Variants in ZSWIM3 observed in about 807,000 individuals in gnomAD.
The protein encoded by ZSWIM3 is zinc finger SWIM-type containing 3.
In ZSWIM3, 27 loss-of-function variants were observed where a neutral mutation model predicts 47.5. That is an observed-to-expected ratio of 0.57 (90% CI 0.42 to 0.78). The LOEUF (loss-of-function observed/expected upper bound fraction) is 0.78. Among genes scored for constraint, ZSWIM3 ranks in the 30% least tolerant of loss-of-function variants. The probability of loss-of-function intolerance (pLI) is 0.00; values close to 1 mark genes in which losing one functional copy is unlikely to be tolerated. For synonymous variants in ZSWIM3, 333 were observed against 333.9 expected, an observed-to-expected ratio of 1.00 and a Z score of 0.03; for missense variants, 689 against 861.3, an observed-to-expected ratio of 0.80 and a Z score of 2.50.
chr20:45,858,642 G>A (rs1393162541), intron 1 of ZSWIM3, among the ~76,000 whole-genome samples: 1 of 152,180 alleles, frequency 6.6e-6, no homozygotes, highest in Non-Finnish European at 1.5e-5. Flanking sequence ...CAAAGTGTTA[G>A]GATTACAGGC....
chr20:45,857,716 C>A lies in ZSWIM3; in HGVS notation c.-110C>A. The A allele has an allele frequency of 2.2e-6, 3 of 1,362,132 alleles. No individual in the cohort carries two copies. Among genetic ancestry groups the A allele is most frequent in the Non-Finnish European group, 3.0e-6 (3 of 991,604 alleles). 84.4% of individuals were successfully genotyped at this position (1,362,132 alleles called of 1,614,324 possible). ...ACCCAGTTGGGGCGGACCCTTAAGG[C>A]ATTCTGGGCCCACGCCTGCCTATAA... On this transcript the variant is annotated 5_prime_UTR_variant, in exon 1 of 2. Coordinates refer to ENST00000255152, the MANE Select transcript of ZSWIM3 (RefSeq NM_080752.4).
At chr20:45,865,043 G>A (rs190849019) in intron 1 of ZSWIM3, among the ~76,000 whole-genome samples, 3 of 151,570 alleles carry the variant, frequency 2.0e-5, no homozygotes, top group Admixed American at 6.6e-5. Context: ...TGTAGCCGGG[G>A]CGCAGTGGCT....
chr20:45,865,497 A>G (rs1168996658), intron 1 of ZSWIM3, among the ~76,000 whole-genome samples: 4 of 48,196 alleles, frequency 8.3e-5, no homozygotes, highest in Non-Finnish European at 3.1e-4. Context: ...CAAAAAATAA[A>G]AAGAAAAGAA....
In ZSWIM3 at chr20:45,876,962, A is replaced by G. The variant is rs1986111183; in HGVS notation, c.404A>G (p.Lys135Arg). The part of the protein sequence containing the change: ...QRLQPVQPTT[K>R]KDLDTAEKSL... ...CTCCAGCCTGTGCAGCCCACAACCA[A>G]AAAAGACCTTGACACTGCCGAGAAG... Residue 135 changes from lysine (K) to arginine (R), a missense_variant, in exon 2 of 2, where the codon AAA becomes AGA. By Grantham distance (26) the Lys-to-Arg change is conservative. Coordinates refer to ENST00000255152, the MANE Select transcript of ZSWIM3 (RefSeq NM_080752.4). The G allele has an allele frequency of 1.2e-6, 2 of 1,614,128 alleles. No homozygotes were observed. The highest frequency in any genetic ancestry group is 1.1e-5 in the South Asian group (1 of 91,080).
At chr20:45,866,599 A>G (rs1002597349) in intron 1 of ZSWIM3, among the ~76,000 whole-genome samples, 5 of 152,280 alleles carry the variant, frequency 3.3e-5, no homozygotes, top group Non-Finnish European at 7.4e-5. Context: ...TGAGCCCAGA[A>G]GTTCAAGACC....
In ZSWIM3 at chr20:45,877,427, A is replaced by G; in HGVS notation, c.869A>G (p.Tyr290Cys). ...GTCTTTGTGGACCCTTCATTCCATT[A>G]CCGGGCTATCCTGCAGGAGATCTTT... ...KVVFVDPSFH[Y>C]RAILQEIFPA... The change falls in exon 2 of 2, where the codon TAC becomes TGC. Residue 290 changes from tyrosine (Y) to cysteine (C), a missense_variant. Tyr to Cys is a radical substitution (Grantham distance 194). Coordinates refer to ENST00000255152, the MANE Select transcript of ZSWIM3 (RefSeq NM_080752.4). The G allele has an allele frequency of 6.2e-7, 1 of 1,614,012 alleles. No individual in the cohort carries two copies. Among genetic ancestry groups the G allele is most frequent in the Non-Finnish European group, 8.5e-7 (1 of 1,179,998 alleles).
chr20:45,873,316 G>T (rs958949364), intron 1 of ZSWIM3, among the ~76,000 whole-genome samples: 38 of 152,050 alleles, frequency 2.5e-4, no homozygotes, highest in Non-Finnish European at 2.8e-4. Context: ...CAGGAGAATC[G>T]CTTGAACTCA....
At chr20:45,865,094 G>T (rs538000584) in intron 1 of ZSWIM3, among the ~76,000 whole-genome samples, 1 of 151,862 alleles carries the variant, frequency 6.6e-6, no homozygotes, top group East Asian at 1.9e-4. Context: ...CGAGGCGGGC[G>T]GATCACTTGA....
intron 1 of ZSWIM3, among the ~76,000 whole-genome samples, chr20:45,873,681 CTG>C (rs1986026918): frequency 2.0e-5 from 3 of 152,106 alleles, no homozygotes; most frequent in Admixed American, 1.3e-4. Context: ...GATGAGGAAA[CTG>C]TATACAGAGA....
At chr20:45,860,779 G>A (rs1358821850) in intron 1 of ZSWIM3, among the ~76,000 whole-genome samples, 1 of 152,102 alleles carries the variant, frequency 6.6e-6, no homozygotes, top group Non-Finnish European at 1.5e-5. Context: ...GAAGTCAGCT[G>A]ATAGCCACCT....
rs779334279 is a variant in ZSWIM3 at position 45,877,924 on chromosome 20, G to A, written c.1366G>A (p.Ala456Thr). The change falls in exon 2 of 2, where the codon GCT becomes ACT. Residue 456 changes from alanine to threonine, a missense_variant. Physicochemically the swap from Ala to Thr is moderately conservative, Grantham distance 58. Coordinates refer to ENST00000255152, the MANE Select transcript of ZSWIM3 (RefSeq NM_080752.4). ...PASMPLKSKK[A>T]FGICGESLTS... is the part of the protein sequence containing the mutation. ...AAGCATGCCACTGAAGTCCAAGAAG[G>A]CTTTTGGAATCTGTGGAGAGAGCCT... 1 of 1,614,080 alleles carries A rather than the reference G, an allele frequency of 6.2e-7. No individual in the cohort carries two copies. The highest frequency in any genetic ancestry group is 1.7e-5 in the Admixed American group (1 of 59,998).
rs545076903 is a variant in ZSWIM3, at chr20:45,867,958, G to C, written c.156-8756G>C. Among the ~76,000 whole-genome samples the C allele has an allele frequency of 2.6e-5, 4 of 152,270 alleles. No homozygotes were observed. In the East Asian group the frequency reaches 7.7e-4, roughly 29 times the overall value. The stretch of plus-strand genomic sequence containing the variant: ...AGTTTTCATTATCCATGTATCCATA[G>C]TTACAAGGCTATATAGAAAAGCAAA... On this transcript the variant is annotated intron_variant, in intron 1 of 1. Coordinates refer to ENST00000255152, the MANE Select transcript of ZSWIM3 (RefSeq NM_080752.4).
chr20:45,863,186 T>G (rs1158215400), intron 1 of ZSWIM3, among the ~76,000 whole-genome samples: 2 of 151,294 alleles, frequency 1.3e-5, no homozygotes, highest in African/African-American at 4.9e-5. Flanking sequence ...TTTTTGTTTG[T>G]TTGTTTGTTT....
chr20:45,874,506 T>C (rs1393337923), intron 1 of ZSWIM3, among the ~76,000 whole-genome samples: 2 of 152,110 alleles, frequency 1.3e-5, no homozygotes, highest in Non-Finnish European at 2.9e-5. Flanking sequence ...AGTGAGACTT[T>C]AATTTCAAAA....
intron 1 of ZSWIM3, among the ~76,000 whole-genome samples, chr20:45,865,584 A>G (rs1274281690): frequency 1.7e-5 from 2 of 115,926 alleles, no homozygotes; most frequent in African/African-American, 5.1e-5. Context: ...AGCTGGCCCA[A>G]GGGTTAAAAG....
At position 45,878,357 on chromosome 20, in the gene ZSWIM3, ATCGTGGTATGG is replaced by A; in HGVS notation, c.1802_1812del (p.Arg601ProfsTer7). On this transcript the variant is annotated frameshift_variant, in exon 2 of 2. Transcript: ENST00000255152. LOFTEE classifies it high-confidence loss of function. ...CTTGGGCCCAATGGGGAGCTCCAGG[ATCGTGGTATGG>A]TCCCAAACACAGGCCAGCCTGAGAA... is the stretch of plus-strand genomic sequence containing the variant. 1 of 1,614,222 alleles carries A rather than the reference ATCGTGGTATGG, an allele frequency of 6.2e-7. No individual in the cohort carries two copies.
intron 1 of ZSWIM3, among the ~76,000 whole-genome samples, chr20:45,859,792 CA>C (rs765560893): frequency 0.19 from 9,816 of 52,102 alleles, 178 homozygotes; most frequent in South Asian, 0.26. Flanking sequence ...GAGAGGAATA[CA>C]AAAAAAAAAA....
chr20:45,865,992 C>A (rs369090103), intron 1 of ZSWIM3, among the ~76,000 whole-genome samples: 1,520 of 97,842 alleles, frequency 0.016, no homozygotes, highest in African/African-American at 0.024. Context: ...GACTCTGTCT[C>A]AAAAAAAAAA....
chr20:45,877,561 C>T lies in ZSWIM3; in HGVS notation c.1003C>T (p.Leu335=), dbSNP rs1555828705. ...PSFKRLMKEA[L]REAVFVTSEA... ...CTTTAAAAGGCTCATGAAGGAAGCC[C>T]TGCGGGAGGCCGTGTTTGTCACTTC... The change falls in exon 2 of 2, where the codon CTG becomes TTG. Residue 335 remains leucine, a synonymous_variant. Transcript: ENST00000255152. The T allele has an allele frequency of 3.7e-6, 6 of 1,614,204 alleles. No individual in the cohort carries two copies. The highest frequency in any genetic ancestry group is 1.1e-5 in the South Asian group (1 of 91,080).
Sources: allele counts gnomAD v4.1 joint callset (sites outside exome capture counted in the v4.1 genomes callset), GRCh38; gene constraint gnomAD v4.1.1; transcripts MANE v1.5; gene names NCBI Gene and HGNC (gene_info 2026-07-23, HGNC 2026-07-21).